DIPK1A: variants seen among roughly 807,000 people sequenced by gnomAD.
DIPK1A encodes divergent protein kinase domain 1A.
In DIPK1A, 27 loss-of-function variants were observed where a neutral mutation model predicts 40.8. The observed-to-expected ratio is 0.66, with a 90% CI of 0.49 to 0.91. The LOEUF is 0.91. DIPK1A is among the 40% of genes least tolerant of loss of function. The pLI is 0.00. For synonymous variants in DIPK1A, 166 were observed against 171.3 expected, an observed-to-expected ratio of 0.97 and a Z score of 0.24; for missense variants, 412 against 505.7, an observed-to-expected ratio of 0.81 and a Z score of 1.78.
At chr1:92,869,247 G>A (rs893667537) in intron 2 of DIPK1A, among the ~76,000 whole-genome samples, 4 of 151,562 alleles carry the variant, frequency 2.6e-5, no homozygotes, top group Non-Finnish European at 5.9e-5. Context: ...CTGCAGCCTC[G>A]ACCCCTTTTG....
intron 1 of DIPK1A, among the ~76,000 whole-genome samples, chr1:92,877,420 ACACT>A (rs1313675152): frequency 6.6e-6 from 1 of 152,258 alleles, no homozygotes; most frequent in Non-Finnish European, 1.5e-5. Flanking sequence ...CCAGTTTCTC[ACACT>A]GGGAACAGTA....
intron 4 of DIPK1A, 130 bp from the exon 5 acceptor site, chr1:92,844,325 A>G (rs1687502482): frequency 3.2e-6 from 2 of 631,848 alleles, no homozygotes; most frequent in Non-Finnish European, 5.6e-6. Flanking sequence ...ACAGGAACTT[A>G]ATGTATTATA....
intron 1 of DIPK1A, among the ~76,000 whole-genome samples, chr1:92,949,215 C>G (rs1651527076): frequency 6.6e-6 from 1 of 151,938 alleles, no homozygotes; most frequent in Non-Finnish European, 1.5e-5. Context: ...ATTTGGGGAA[C>G]TTAAAAAACT....
intron 2 of DIPK1A, among the ~76,000 whole-genome samples, chr1:92,853,857 C>G (rs1687899500): frequency 6.6e-6 from 1 of 152,086 alleles, no homozygotes; most frequent in African/African-American, 2.4e-5. Flanking sequence ...AAAAACAGCT[C>G]AGGTAACTGA....
chr1:92,848,134 A>C (rs1687698753), intron 3 of DIPK1A, among the ~76,000 whole-genome samples: 1 of 152,186 alleles, frequency 6.6e-6, no homozygotes, highest in African/African-American at 2.4e-5. Flanking sequence ...TGAAGCAGAT[A>C]CAGGTGAAGT....
intron 1 of DIPK1A, chr1:92,931,341 C>A (rs1650738427): frequency 8.6e-6 from 2 of 233,420 alleles, no homozygotes; most frequent in South Asian, 7.1e-5. Context: ...CTGGTGCCCA[C>A]ACCGTATCAA....
intron 1 of DIPK1A, among the ~76,000 whole-genome samples, chr1:92,927,827 G>A (rs1027585875): frequency 6.6e-6 from 1 of 152,136 alleles, no homozygotes; most frequent in African/African-American, 2.4e-5. Context: ...CCACTGTATG[G>A]ATATACCACA....
chr1:92,833,486 A>G (rs777880100), intron 4 of DIPK1A: 15 of 1,612,350 alleles, frequency 9.3e-6, no homozygotes, highest in Non-Finnish European at 1.3e-5. Context: ...TGTTTACAAT[A>G]TTAATCTGCT....
intron 1 of DIPK1A, among the ~76,000 whole-genome samples, chr1:92,938,306 G>T (rs1370464522): frequency 6.6e-6 from 1 of 151,888 alleles, no homozygotes; most frequent in Non-Finnish European, 1.5e-5. Flanking sequence ...TGAGCCAGGA[G>T]AATTAGCCAG....
At chr1:92,846,537 CAATT>C (rs1382922830) in intron 4 of DIPK1A, 4 of 405,126 alleles carry the variant, frequency 9.9e-6, no homozygotes, top group East Asian at 7.8e-5. Context: ...TACAGCACTC[CAATT>C]AATTAATGAA....
intron 1 of DIPK1A, 77 bp from the exon 2 acceptor site, chr1:92,876,507 A>C (rs755290170): frequency 2.0e-6 from 3 of 1,473,532 alleles, no homozygotes; most frequent in South Asian, 1.3e-5. Flanking sequence ...ACGACTTCTC[A>C]CCCTTCTTGG....
intron 1 of DIPK1A, among the ~76,000 whole-genome samples, chr1:92,923,505 A>T (rs1312422024): frequency 6.6e-6 from 1 of 152,200 alleles, no homozygotes; most frequent in Non-Finnish European, 1.5e-5. Flanking sequence ...GGATGCTAGA[A>T]AAGTTTCAAA....
chr1:92,836,672 AT>A (rs1687142676), intron 4 of DIPK1A: 1 of 398,370 alleles, frequency 2.5e-6, no homozygotes. Flanking sequence ...CTTAATTCTT[AT>A]TAGAAATGAG....
At chr1:92,865,554 G>A (rs1290360364) in intron 2 of DIPK1A, among the ~76,000 whole-genome samples, 1 of 152,144 alleles carries the variant, frequency 6.6e-6, no homozygotes, top group Non-Finnish European at 1.5e-5. Context: ...TTTTCTGGGT[G>A]TACCATTCCC....
intron 1 of DIPK1A, among the ~76,000 whole-genome samples, chr1:92,922,664 A>C (rs1650316111): frequency 6.6e-6 from 1 of 152,112 alleles, no homozygotes; most frequent in Admixed American, 6.5e-5. Context: ...TCCTATTCTT[A>C]AGTTCATTTT....
chr1:92,891,462 T>A (rs1648873102), intron 1 of DIPK1A, among the ~76,000 whole-genome samples: 1 of 152,208 alleles, frequency 6.6e-6, no homozygotes, highest in African/African-American at 2.4e-5. Flanking sequence ...ATCTGCTGTA[T>A]CCCACAGGTT....
intron 2 of DIPK1A, among the ~76,000 whole-genome samples, chr1:92,860,646 A>AAAAAAAAAAAAGATAGCCAGGTG: frequency 9.5e-6 from 1 of 105,212 alleles, no homozygotes; most frequent in Non-Finnish European, 1.8e-5. Flanking sequence ...AAAAAAAAAA[A>AAAAAAAAAAAAGATAGCCAGGTG]TGGTGGTGTG....
chr1:92,937,979 C>A (rs1418346091), intron 1 of DIPK1A, among the ~76,000 whole-genome samples: 2 of 152,080 alleles, frequency 1.3e-5, no homozygotes, highest in Non-Finnish European at 2.9e-5. Context: ...GAATTAGGAA[C>A]CTAATAATAG....
intron 2 of DIPK1A, among the ~76,000 whole-genome samples, chr1:92,870,617 G>A (rs1416667340): frequency 3.3e-5 from 5 of 152,312 alleles, no homozygotes; most frequent in African/African-American, 1.2e-4. Context: ...ACCATCATAT[G>A]TGGGTTTAAA....
Sources: gnomAD v4.1 joint callset for allele counts (sites outside exome capture counted in the v4.1 genomes callset) on GRCh38, gnomAD v4.1.1 for gene constraint, MANE v1.5 for transcripts, NCBI Gene and HGNC (gene_info 2026-07-23, HGNC 2026-07-21) for gene names.